CFH: variants seen among roughly 807,000 people sequenced by gnomAD.
CFH encodes the protein complement factor H, also known as H factor 1 (complement).
In CFH, 53 loss-of-function variants were observed where a neutral mutation model predicts 147.3. The ratio of observed to expected loss-of-function variants is 0.36; its 90% CI spans 0.29 to 0.45. CFH has a LOEUF of 0.45. Among genes scored for constraint, CFH ranks in the 20% least tolerant of loss-of-function variants. CFH has a pLI of 1.00. For synonymous variants in CFH, 536 were observed against 489.4 expected (o/e 1.10, Z -1.26); for missense variants, 1,380 against 1,498.0 (o/e 0.92, Z 1.30).
chr1:196,693,660 G>C (rs1365270121), intron 9 of CFH, among the ~76,000 whole-genome samples: 1 of 152,016 alleles, frequency 6.6e-6, no homozygotes, highest in Non-Finnish European at 1.5e-5. Context: ...CTAACAGGCA[G>C]GTAGTATAAA....
chr1:196,672,415 T>C (rs1408049666), intron 1 of CFH, among the ~76,000 whole-genome samples: 2 of 152,222 alleles, frequency 1.3e-5, no homozygotes, highest in African/African-American at 4.8e-5. Flanking sequence ...AACATTGTTC[T>C]TTTCCATCCT....
chr1:196,673,525 T>G, intron 2 of CFH: 1 of 372,060 alleles, frequency 2.7e-6, no homozygotes, highest in Non-Finnish European at 5.0e-6. Flanking sequence ...TTAGTAGAGA[T>G]GGGGTTTCAC....
At chr1:196,673,545 G>C in intron 2 of CFH, 2 of 381,750 alleles carry the variant, frequency 5.2e-6, no homozygotes, top group Non-Finnish European at 4.9e-6. Flanking sequence ...CCAATGCTGG[G>C]CAGGCTGGTC....
Position 196,726,661 on chromosome 1 carries a change from T to A in CFH, c.2056+9T>A. ...TTTACCAGTGTGTATTGGTAATGTA[T>A]AAAATATTAATATTTAAACTTGTCA... On this transcript the variant is annotated intron_variant, in intron 13 of 21. Coordinates refer to ENST00000367429, the MANE Select transcript of CFH (RefSeq NM_000186.4). 1.2e-6 allele frequency: 2 copies of A among 1,606,328 alleles called. No homozygotes were observed. The highest frequency in any genetic ancestry group is 1.7e-6 in the Non-Finnish European group (2 of 1,173,334).
At chr1:196,666,887 T>TG (rs563238148) in intron 1 of CFH, among the ~76,000 whole-genome samples, 248 of 151,754 alleles carry the variant, frequency 1.6e-3, no homozygotes, top group African/African-American at 5.8e-3. Context: ...CAATGTCTAG[T>TG]GGTCAGGGAG....
chr1:196,715,838 T>C, intron 11 of CFH, 69 bp downstream of exon 11: 1 of 1,320,062 alleles, frequency 7.6e-7, no homozygotes. Context: ...TTTAAAAATT[T>C]GAATTATATA....
chr1:196,671,974 A>G lies in CFH; in HGVS notation c.59-1004A>G, dbSNP rs187079280. Reference sequence around the variant, plus strand: ...CTGCTCTTAAATATCATCCAGAGTGACTTTCAAATATGGCATGTTTTGATG... The same window carrying G: ...CTGCTCTTAAATATCATCCAGAGTGGCTTTCAAATATGGCATGTTTTGATG... On this transcript the variant is annotated intron_variant, in intron 1 of 21. Coordinates refer to ENST00000367429, the MANE Select transcript of CFH (RefSeq NM_000186.4). Among the ~76,000 whole-genome samples the G allele has an allele frequency of 2.6e-3, 395 of 151,790 alleles. 2 individuals carry two copies. The highest frequency in any genetic ancestry group is 0.013 in the East Asian group (67 of 5,158).
intron 17 of CFH, among the ~76,000 whole-genome samples, chr1:196,738,939 C>T (rs1458183373): frequency 6.6e-6 from 1 of 152,246 alleles, no homozygotes. Context: ...TTTCATATAT[C>T]CTCTGCAACC....
intron 9 of CFH, among the ~76,000 whole-genome samples, chr1:196,691,465 T>G (rs1372520477): frequency 6.6e-6 from 1 of 152,048 alleles, no homozygotes; most frequent in East Asian, 1.9e-4. Flanking sequence ...ACAAATTGAA[T>G]GGCTATAAAA....
chr1:196,666,683 G>T (rs572446110), intron 1 of CFH, among the ~76,000 whole-genome samples: 2 of 151,496 alleles, frequency 1.3e-5, no homozygotes, highest in Non-Finnish European at 2.9e-5. Context: ...ATGGTGGCGG[G>T]CACCTGTAGT....
At position 196,729,611 on chromosome 1, in the gene CFH, G is replaced by A. The variant is rs950163114; in HGVS notation, c.2413+1089G>A. 3.3e-5 allele frequency among the ~76,000 whole-genome samples: 5 copies of A among 152,018 alleles called. No individual in the cohort carries two copies. The East Asian group carries it at 9.7e-4, about 29-fold the overall frequency. On this transcript the variant is annotated intron_variant, in intron 15 of 21. Transcript: ENST00000367429. ...CAGAGTAATGTTGGGCCACTAGAAT[G>A]AGTTAGAAAAATGATCTCCTCATCA...
At chr1:196,696,481 C>T (rs560532848) in intron 9 of CFH, among the ~76,000 whole-genome samples, 7 of 152,056 alleles carry the variant, frequency 4.6e-5, no homozygotes, top group Admixed American at 1.3e-4. Context: ...GAAAATTTAT[C>T]GCACTAAATG....
At position 196,728,322 on chromosome 1, in the gene CFH, C is replaced by T. The variant is rs763931073; in HGVS notation, c.2237-24C>T. On this transcript the variant is annotated intron_variant, in intron 14 of 21. Coordinates refer to ENST00000367429, the MANE Select transcript of CFH (RefSeq NM_000186.4). ...GTTTGATTCCTATCATTTGAATTTT[C>T]ATAAAAATATATTTATTTTATAGCA... 28 of 1,333,860 alleles carry T rather than the reference C, an allele frequency of 2.1e-5. No individual in the cohort carries two copies. The African/African-American group carries it at 3.9e-4, about 18-fold the overall frequency. 82.6% of individuals were successfully genotyped at this position (1,333,860 alleles called of 1,614,324 possible). A position where few individuals can be genotyped will look rare whatever the true frequency, so the allele number is the denominator to read the frequency against.
chr1:196,737,279 A>T (rs557271706), intron 16 of CFH, among the ~76,000 whole-genome samples, 196 bp from the exon 17 acceptor site: 24 of 152,332 alleles, frequency 1.6e-4, no homozygotes, highest in Non-Finnish European at 2.9e-4. Context: ...AATGAAGATG[A>T]TTATTGAACA....
chr1:196,726,590 T>A lies in CFH; in HGVS notation c.1994T>A (p.Met665Lys). 6.2e-7 allele frequency: 1 copy of A among 1,612,626 alleles called. No individual in the cohort carries two copies. The highest frequency in any genetic ancestry group is 1.1e-5 in the South Asian group (1 of 91,064). The change falls in exon 13 of 22, where the codon ATG becomes AAG. Residue 665 changes from methionine (M) to lysine (K), a missense_variant. Coordinates refer to ENST00000367429, the MANE Select transcript of CFH (RefSeq NM_000186.4). Reference sequence around the variant, plus strand: ...TATTATTGCAATCCTAGATTTCTAATGAAGGGACCTAATAAAATTCAATGT... The same window carrying A: ...TATTATTGCAATCCTAGATTTCTAAAGAAGGGACCTAATAAAATTCAATGT... The part of the protein sequence containing the change: ...VEYYCNPRFL[M>K]KGPNKIQCVD...
intron 1 of CFH, among the ~76,000 whole-genome samples, chr1:196,657,682 G>A (rs1666751516): frequency 6.6e-6 from 1 of 152,010 alleles, no homozygotes; most frequent in South Asian, 2.1e-4. Flanking sequence ...TGCTATTTCT[G>A]TTTTGTTCAT....
intron 9 of CFH, among the ~76,000 whole-genome samples, chr1:196,695,522 A>T (rs970604541): frequency 2.6e-5 from 4 of 152,140 alleles, no homozygotes; most frequent in Admixed American, 2.6e-4. Context: ...AATTTAAAGC[A>T]GTTTTCTTAG....
chr1:196,743,479 T>A lies in CFH; in HGVS notation c.3161T>A (p.Val1054Glu). ...RDTSCVNPPT[V>E]QNAYIVSRQM... The stretch of plus-strand genomic sequence containing the variant: ...ACCTCCTGTGTGAATCCGCCCACAG[T>A]ACAAAATGCTTATATAGTGTCGAGA... The change falls in exon 20 of 22, where the codon GTA (valine) becomes GAA (glutamate). Residue 1054 changes from valine to glutamate, a missense_variant. Val to Glu is a moderately radical substitution (Grantham distance 121). Around this residue, in one of 4 missense-constraint regions of CFH, gnomAD observed 830 missense variants for 821.4 expected, o/e 1.01. Coordinates refer to ENST00000367429, the MANE Select transcript of CFH (RefSeq NM_000186.4). 6.2e-7 allele frequency: 1 copy of A among 1,614,036 alleles called. No homozygotes were observed. Among genetic ancestry groups the A allele is most frequent in the Non-Finnish European group, 8.5e-7 (1 of 1,179,914 alleles).
rs781719657 is a variant in CFH at position 196,673,182 on chromosome 1, T to C, written c.244+19T>C. ...TGTCAGAGTAAGTACTTAATACATT[T>C]GTGAAATTTATGAAAACTAGGTGTA... On this transcript the variant is annotated intron_variant, in intron 2 of 21. Coordinates refer to ENST00000367429, the MANE Select transcript of CFH (RefSeq NM_000186.4). 4.4e-6 allele frequency: 7 copies of C among 1,606,002 alleles called. No individual in the cohort carries two copies. The African/African-American group carries it at 8.0e-5, about 18-fold the overall frequency.
Sources: allele counts gnomAD v4.1 joint callset (sites outside exome capture counted in the v4.1 genomes callset), GRCh38; gene constraint gnomAD v4.1.1; regional missense constraint gnomAD v4.1.1; transcripts MANE v1.5; gene names NCBI Gene and HGNC (gene_info 2026-07-23, HGNC 2026-07-21).